ADGRF4: variants seen among roughly 807,000 people sequenced by gnomAD.
ADGRF4 encodes adhesion G protein-coupled receptor F4.
A neutral mutation model predicts 58.5 loss-of-function variants in ADGRF4; 63 were observed. The observed-to-expected ratio is 1.08, with a 90% CI of 0.88 to 1.33. The LOEUF (loss-of-function observed/expected upper bound fraction) is 1.33, where lower values mean the gene tolerates loss of function less well. Among genes scored for constraint, ADGRF4 ranks in the 40% most tolerant of loss-of-function variants. The pLI is 0.00. For missense variants in ADGRF4, 931 were observed against 843.9 expected (o/e 1.10, Z -1.28); for synonymous variants, 313 against 295.4 (o/e 1.06, Z -0.61).
intron 1 of ADGRF4, among the ~76,000 whole-genome samples, chr6:47,704,263 C>T (rs1771654618): frequency 6.6e-6 from 1 of 152,040 alleles, no homozygotes; most frequent in Admixed American, 6.6e-5. Context: ...AGGCTGGTCT[C>T]GAACTCCTGA....
At chr6:47,715,499 A>G (rs1771993019) in intron 6 of ADGRF4, 1 of 209,458 alleles carries the variant, frequency 4.8e-6, no homozygotes, top group South Asian at 1.1e-4. Context: ...ATGCCTCAAA[A>G]CAAGCATATT....
chr6:47,712,817 C>G (rs1294466676), intron 5 of ADGRF4, among the ~76,000 whole-genome samples: 1 of 152,144 alleles, frequency 6.6e-6, no homozygotes, highest in East Asian at 1.9e-4. Flanking sequence ...TTTGTACACA[C>G]TTCATATTTT....
At chr6:47,710,381 G>C (rs1360779196) in intron 3 of ADGRF4, among the ~76,000 whole-genome samples, 1 of 152,176 alleles carries the variant, frequency 6.6e-6, no homozygotes, top group Non-Finnish European at 1.5e-5. Context: ...TCAAAAACAA[G>C]TTCAATCATG....
At position 47,714,482 on chromosome 6, in the gene ADGRF4, AT is replaced by A; in HGVS notation, c.1238del (p.Ile413ThrfsTer2). On this transcript the variant is annotated frameshift_variant, in exon 6 of 10. Transcript: ENST00000283303. LOFTEE classifies it high-confidence loss of function. ...CACCTGCATTGGGCTCAGCGTCTCA[AT>A]CCTAAGCTTGGTTCTTTGCCTGATC... ...YITCIGLSVS[I>X]LSLVLCLIIE... 1.2e-6 allele frequency: 2 copies of A among 1,614,110 alleles called. No homozygotes were observed. Among genetic ancestry groups the A allele is most frequent in the Non-Finnish European group, 1.7e-6 (2 of 1,180,026 alleles).
At position 47,699,368 on chromosome 6, in the gene ADGRF4, T is replaced by A. The variant is rs182252897; in HGVS notation, c.-17+574T>A. ...TCTAAAGTGTTGCATCATTAGGTGC[T>A]GTTTATTTGTTTGTTTGTTTGTTTT... On this transcript the variant is annotated intron_variant, in intron 1 of 9. Coordinates refer to ENST00000283303, the MANE Select transcript of ADGRF4 (RefSeq NM_153838.5). Among the ~76,000 whole-genome samples, 659 of 152,362 alleles carry A rather than the reference T, an allele frequency of 4.3e-3. 3 individuals are homozygous for A. Among genetic ancestry groups the A allele is most frequent in the African/African-American group, 0.014 (574 of 41,584 alleles).
intron 8 of ADGRF4, among the ~76,000 whole-genome samples, chr6:47,717,815 T>A (rs1278393945): frequency 6.6e-6 from 1 of 152,224 alleles, no homozygotes; most frequent in Non-Finnish European, 1.5e-5. Context: ...TCCATTCTCC[T>A]TATTTGAGAC....
At chr6:47,716,943 G>A (rs1480234783) in intron 7 of ADGRF4, 96 bp downstream of exon 7, 4 of 832,350 alleles carry the variant, frequency 4.8e-6, no homozygotes, top group Non-Finnish European at 8.1e-6. Context: ...TACTCCAGGG[G>A]AGTTGAGTTT....
intron 3 of ADGRF4, among the ~76,000 whole-genome samples, chr6:47,709,269 T>C (rs981237956): frequency 3.9e-5 from 6 of 152,268 alleles, no homozygotes; most frequent in Admixed American, 3.9e-4. Flanking sequence ...AACAGCCTCG[T>C]TCTTCCTATC....
In ADGRF4 at chr6:47,714,453, A is replaced by G. The variant is rs1209458021; in HGVS notation, c.1208A>G (p.Tyr403Cys). The change falls in exon 6 of 10, where the codon TAC becomes TGC. Residue 403 changes from tyrosine (Y) to cysteine (C), a missense_variant. Physicochemically the swap from Tyr to Cys is radical, Grantham distance 194. Coordinates refer to ENST00000283303, the MANE Select transcript of ADGRF4 (RefSeq NM_153838.5). ...TCGATGACCGACAAAGTTCTGGACTACATCACCTGCATTGGGCTCAGCGTC... is the reference window on the plus strand; with the variant it reads ...TCGATGACCGACAAAGTTCTGGACTGCATCACCTGCATTGGGCTCAGCGTC... The part of the protein sequence containing the change: ...SKSMTDKVLD[Y>C]ITCIGLSVSI... 1 of 1,614,048 alleles carries G rather than the reference A, an allele frequency of 6.2e-7. No individual in the cohort carries two copies. Among genetic ancestry groups the G allele is most frequent in the Non-Finnish European group, 8.5e-7 (1 of 1,180,034 alleles).
At chr6:47,705,077 T>G (rs1224614377) in intron 1 of ADGRF4, among the ~76,000 whole-genome samples, 1 of 152,142 alleles carries the variant, frequency 6.6e-6, no homozygotes, top group Non-Finnish European at 1.5e-5. Flanking sequence ...TACAGACGCC[T>G]GCCACCACAC....
chr6:47,712,585 A>T lies in ADGRF4; in HGVS notation c.529A>T (p.Asn177Tyr). Reference sequence around the variant, plus strand: ...AAATATTTCTACAGACTTGTCTGATAATGTTACTCGAGAGAAAATGAAGGT... The same window carrying T: ...AAATATTTCTACAGACTTGTCTGATTATGTTACTCGAGAGAAAATGAAGGT... ...LKNISTDLSD[N>Y]VTREKMKSYS... Residue 177 changes from asparagine (N) to tyrosine (Y), a missense_variant, in exon 5 of 10, where the codon AAT (asparagine) becomes TAT (tyrosine). Transcript: ENST00000283303. 1 of 1,580,754 alleles carries T rather than the reference A, an allele frequency of 6.3e-7. No homozygotes were observed. Among genetic ancestry groups the T allele is most frequent in the Non-Finnish European group, 8.7e-7 (1 of 1,149,778 alleles).
chr6:47,702,131 G>A (rs1027847717), intron 1 of ADGRF4, among the ~76,000 whole-genome samples: 4 of 152,224 alleles, frequency 2.6e-5, no homozygotes, highest in South Asian at 2.1e-4. Context: ...GAACCACTGC[G>A]CCTGGCCTAG....
At chr6:47,716,974 C>T (rs1400922979) in intron 7 of ADGRF4, 127 bp downstream of exon 7, 1 of 704,106 alleles carries the variant, frequency 1.4e-6, no homozygotes, top group Non-Finnish European at 2.5e-6. Context: ...TTCAAGGAAT[C>T]AGCTGTGAAA....
intron 1 of ADGRF4, among the ~76,000 whole-genome samples, chr6:47,699,678 A>G (rs1488706027): frequency 6.6e-6 from 1 of 152,192 alleles, no homozygotes; most frequent in African/African-American, 2.4e-5. Context: ...GTTCTTTTCT[A>G]TCTTTCTTTC....
chr6:47,717,224 C>A, intron 7 of ADGRF4, 68 bp from the exon 8 acceptor site: 1 of 1,123,814 alleles, frequency 8.9e-7, no homozygotes, highest in Non-Finnish European at 1.4e-6. Context: ...CTTAAAGTTT[C>A]AGGACAGGCA....
At chr6:47,715,983 A>ATT (rs3030671) in intron 6 of ADGRF4, among the ~76,000 whole-genome samples, 1,480 of 143,776 alleles carry the variant, frequency 0.01, 28 homozygotes, top group African/African-American at 0.035. Context: ...GACATGAGGG[A>ATT]TTTTTTTTTT....
At chr6:47,718,533 G>GTGC in intron 9 of ADGRF4, 88 bp downstream of exon 9, 1 of 792,528 alleles carries the variant, frequency 1.3e-6, no homozygotes, top group South Asian at 1.4e-5. Context: ...TGCCTGCTAC[G>GTGC]TGCTGCCAGA....
At chr6:47,701,956 C>T (rs115705037) in intron 1 of ADGRF4, among the ~76,000 whole-genome samples, 149 of 152,276 alleles carry the variant, frequency 9.8e-4, no homozygotes, top group Non-Finnish European at 1.5e-3. Context: ...CTCCTGCTTC[C>T]GCCTTCCAAG....
chr6:47,716,412 AG>A (rs1467362654), intron 6 of ADGRF4, among the ~76,000 whole-genome samples: 2 of 152,174 alleles, frequency 1.3e-5, no homozygotes, highest in East Asian at 1.9e-4. Flanking sequence ...CTAGAATATA[AG>A]TTTCGTTTTC....
Sources: gnomAD v4.1 joint callset for allele counts (sites outside exome capture counted in the v4.1 genomes callset) on GRCh38, gnomAD v4.1.1 for gene constraint, MANE v1.5 for transcripts, NCBI Gene and HGNC (gene_info 2026-07-23, HGNC 2026-07-21) for gene names.